The following SAMD5 variants were observed in gnomAD, a reference collection of about 807,000 sequenced individuals.
The protein encoded by SAMD5 is sterile alpha motif domain-containing protein 5.
Under a neutral mutation model 11.3 loss-of-function variants are expected in SAMD5, and 13 were observed. The observed-to-expected ratio is 1.15, with a 90% CI of 0.75 to 1.83. The LOEUF is 1.83. SAMD5 is among the 40% of genes most tolerant of loss of function. The pLI, the probability that SAMD5 is intolerant of heterozygous loss-of-function variation, is 0.00. For missense variants in SAMD5, 255 were observed against 239.1 expected, an observed-to-expected ratio of 1.07 and a Z score of -0.44; for synonymous variants, 129 against 111.3, an observed-to-expected ratio of 1.16 and a Z score of -1.00.
the SAMD5 span, among the ~76,000 whole-genome samples, chr6:147,760,201 T>C: frequency 1.3e-5 from 2 of 152,154 alleles, no homozygotes; most frequent in African/African-American, 4.8e-5. Flanking sequence ...AATGAGCATG[T>C]TGATGAAAAT....
At chr6:147,892,040 G>A in the SAMD5 span, among the ~76,000 whole-genome samples, 4 of 152,274 alleles carry the variant, frequency 2.6e-5, no homozygotes, top group East Asian at 7.7e-4. Flanking sequence ...CACATTGCAC[G>A]GCTAGCCTTA....
chr6:147,856,975 C>G, the SAMD5 span, among the ~76,000 whole-genome samples: 1 of 151,800 alleles, frequency 6.6e-6, no homozygotes, highest in Non-Finnish European at 1.5e-5. Flanking sequence ...TCTGCTCTCA[C>G]TTCTGCAGGG....
the SAMD5 span, among the ~76,000 whole-genome samples, chr6:147,780,398 G>A: frequency 6.6e-6 from 1 of 152,076 alleles, no homozygotes; most frequent in Non-Finnish European, 1.5e-5. Context: ...AGTAGGGACA[G>A]GATTTCACCA....
At chr6:147,942,169 G>T in the SAMD5 span, among the ~76,000 whole-genome samples, 1 of 152,096 alleles carries the variant, frequency 6.6e-6, no homozygotes, top group East Asian at 1.9e-4. Flanking sequence ...GAGCCACTGC[G>T]CCTGGCTGTG....
intron 1 of SAMD5, among the ~76,000 whole-genome samples, chr6:147,559,546 G>A (rs1025049384): frequency 6.6e-6 from 1 of 152,176 alleles, no homozygotes; most frequent in African/African-American, 2.4e-5. Flanking sequence ...TTTAGAACTT[G>A]TGTGGCCCTG....
chr6:147,868,886 A>G, the SAMD5 span, among the ~76,000 whole-genome samples: 4 of 152,210 alleles, frequency 2.6e-5, no homozygotes, highest in South Asian at 2.1e-4. Flanking sequence ...CTTTGCCCCT[A>G]TAAGTTGTAC....
the SAMD5 span, among the ~76,000 whole-genome samples, chr6:147,812,014 A>C: frequency 1.3e-5 from 2 of 152,140 alleles, no homozygotes; most frequent in African/African-American, 4.8e-5. Context: ...ATCAACGAGC[A>C]GCCCTGCCTA....
At chr6:147,606,545 A>G (rs1789704660) in intron 1 of SAMD5, among the ~76,000 whole-genome samples, 2 of 133,086 alleles carry the variant, frequency 1.5e-5, no homozygotes, top group East Asian at 4.4e-4. Context: ...TTATTTATTT[A>G]TTATTATCTA....
intron 1 of SAMD5, among the ~76,000 whole-genome samples, chr6:147,549,957 A>T (rs767482089): frequency 2.0e-5 from 3 of 150,772 alleles, no homozygotes; most frequent in Non-Finnish European, 4.4e-5. Context: ...TAAAAAGTCA[A>T]AAATAGGCCA....
chr6:147,808,467 G>A, the SAMD5 span, among the ~76,000 whole-genome samples: 2 of 152,192 alleles, frequency 1.3e-5, no homozygotes, highest in Non-Finnish European at 2.9e-5. Context: ...GCCTCCCAAA[G>A]TGGTGGGATT....
At chr6:147,519,183 C>T (rs564400184) in intron 1 of SAMD5, among the ~76,000 whole-genome samples, 1 of 152,250 alleles carries the variant, frequency 6.6e-6, no homozygotes, top group South Asian at 2.1e-4. Context: ...ACAGATTTGA[C>T]AAATTTAAAG....
chr6:147,936,187 T>C, the SAMD5 span, among the ~76,000 whole-genome samples: 3 of 152,186 alleles, frequency 2.0e-5, no homozygotes, highest in East Asian at 3.8e-4. Flanking sequence ...GTTGTACTCT[T>C]CTCAGCCTGT....
chr6:147,725,840 A>G (rs896888205), intron 1 of SAMD5, among the ~76,000 whole-genome samples: 1 of 152,366 alleles, frequency 6.6e-6, no homozygotes, highest in South Asian at 2.1e-4. Context: ...GAGTGGCAGG[A>G]CAAAAGGAGA....
At position 147,566,514 on chromosome 6, in the gene SAMD5, G is replaced by A. The variant is rs1207990163; in HGVS notation, c.*2058G>A. 1 of 985,500 alleles carries A rather than the reference G, an allele frequency of 1.0e-6. No individual in the cohort carries two copies. Among genetic ancestry groups the A allele is most frequent in the Non-Finnish European group, 1.2e-6 (1 of 829,814 alleles). The allele number at this position is 985,500 out of a possible 1,614,324, so 61.0% of individuals were successfully genotyped here. On this transcript the variant is annotated 3_prime_UTR_variant, in exon 2 of 2. Transcript: ENST00000367474. ...GAAGGACTCAATTTTTGAAAAATCTGTTATTTTCACTGTGGGCCTTATGAG... is the reference window on the plus strand; with the variant it reads ...GAAGGACTCAATTTTTGAAAAATCTATTATTTTCACTGTGGGCCTTATGAG...
At chr6:147,592,424 G>T (rs1170926723) in intron 1 of SAMD5, among the ~76,000 whole-genome samples, 1 of 152,068 alleles carries the variant, frequency 6.6e-6, no homozygotes, top group Non-Finnish European at 1.5e-5. Context: ...ACTTCACATG[G>T]TCGCAGATAT....
the SAMD5 span, among the ~76,000 whole-genome samples, chr6:147,750,210 G>A: frequency 2.0e-5 from 3 of 152,140 alleles, no homozygotes; most frequent in Non-Finnish European, 4.4e-5. Flanking sequence ...ACCATCGCTT[G>A]ACTCTAAGTG....
intron 1 of SAMD5, among the ~76,000 whole-genome samples, chr6:147,548,997 G>T (rs1225919467): frequency 6.6e-6 from 1 of 152,100 alleles, no homozygotes; most frequent in African/African-American, 2.4e-5. Context: ...ACTGTGCATG[G>T]TTCACAAATT....
chr6:147,599,523 T>C (rs1789584530), intron 1 of SAMD5, among the ~76,000 whole-genome samples: 1 of 152,226 alleles, frequency 6.6e-6, no homozygotes, highest in South Asian at 2.1e-4. Flanking sequence ...AAATTCTTTT[T>C]TTCCAGATAA....
the SAMD5 span, among the ~76,000 whole-genome samples, chr6:147,744,628 T>G: frequency 6.6e-6 from 1 of 152,166 alleles, no homozygotes; most frequent in Non-Finnish European, 1.5e-5. Context: ...CTGGGCGCGG[T>G]GGCTCATGCC....
Sources: allele counts gnomAD v4.1 joint callset (sites outside exome capture counted in the v4.1 genomes callset), GRCh38; gene constraint gnomAD v4.1.1; transcripts MANE v1.5; gene names NCBI Gene and HGNC (gene_info 2026-07-23, HGNC 2026-07-21).